The following TMEM63C variants were observed in gnomAD, a reference collection of about 807,000 sequenced individuals.
The protein encoded by TMEM63C is osmosensitive cation channel TMEM63C.
A neutral mutation model predicts 99.2 loss-of-function variants in TMEM63C; 32 were observed. The observed-to-expected ratio is 0.32, with a 90% confidence interval of 0.24 to 0.43. The LOEUF (loss-of-function observed/expected upper bound fraction) is 0.43, where lower values mean the gene tolerates loss of function less well. Among genes scored for constraint, TMEM63C ranks in the 20% least tolerant of loss-of-function variants. The pLI, the probability that TMEM63C is intolerant of heterozygous loss-of-function variation, is 1.00. For synonymous variants in TMEM63C, 376 were observed against 397.9 expected (o/e 0.94, Z 0.66); for missense variants, 826 against 1,053.0 (o/e 0.78, Z 2.98).
intron 6 of TMEM63C, among the ~76,000 whole-genome samples, chr14:77,229,702 T>TCC (rs1888900543): frequency 6.6e-6 from 1 of 150,404 alleles, no homozygotes; most frequent in Non-Finnish European, 1.5e-5. Flanking sequence ...TCCACCTGTC[T>TCC]CTGCCTCCCA....
At chr14:77,243,791 AAC>A (rs546880781) in intron 15 of TMEM63C, among the ~76,000 whole-genome samples, 12 of 152,104 alleles carry the variant, frequency 7.9e-5, no homozygotes, top group Admixed American at 2.0e-4. Context: ...ACACAAAGTC[AAC>A]ACACACGCAT....
intron 2 of TMEM63C, among the ~76,000 whole-genome samples, chr14:77,217,713 A>G (rs1189913710): frequency 1.3e-5 from 2 of 152,334 alleles, no homozygotes; most frequent in South Asian, 4.1e-4. Flanking sequence ...CAGGGACGGC[A>G]GGCTCTGCAT....
Position 77,204,652 on chromosome 14 carries a change from AC to A in TMEM63C, c.-76-8793del. 2.0e-5 allele frequency among the ~76,000 whole-genome samples: 3 copies of A among 152,370 alleles called. No individual in the cohort carries two copies. The South Asian group carries it at 6.2e-4, about 32-fold the overall frequency. The stretch of plus-strand genomic sequence containing the variant: ...AGGTGTGGGGAGTCAGCCGTCTGCT[AC>A]GTCATCCCGTAAACAACATCGAATG... On this transcript the variant is annotated intron_variant, in intron 1 of 23. Coordinates refer to ENST00000298351, the MANE Select transcript of TMEM63C (RefSeq NM_020431.4).
intron 17 of TMEM63C, 125 bp downstream of exon 17, chr14:77,246,151 C>A: frequency 1.3e-6 from 1 of 784,592 alleles, no homozygotes; most frequent in Non-Finnish European, 2.3e-6. Flanking sequence ...CAGCCCCATG[C>A]CTGTCATGGG....
chr14:77,232,440 T>C (rs382033), intron 7 of TMEM63C, among the ~76,000 whole-genome samples: 9,790 of 152,036 alleles, frequency 0.064, 407 homozygotes, highest in Admixed American at 0.1. Flanking sequence ...GGCACCCGCC[T>C]CCACACCCGG....
At chr14:77,202,694 C>T (rs1888318131) in intron 1 of TMEM63C, among the ~76,000 whole-genome samples, 2 of 152,192 alleles carry the variant, frequency 1.3e-5, no homozygotes, top group South Asian at 4.1e-4. Flanking sequence ...CAAATTACAT[C>T]TGCAAAGACT....
intron 2 of TMEM63C, among the ~76,000 whole-genome samples, chr14:77,216,695 A>G (rs1425767677): frequency 2.6e-5 from 4 of 152,092 alleles, no homozygotes; most frequent in African/African-American, 7.2e-5. Context: ...TCCCCTATCT[A>G]ATCTGCCGGC....
At chr14:77,253,836 A>G (rs1889416155) in intron 23 of TMEM63C, among the ~76,000 whole-genome samples, 1 of 152,238 alleles carries the variant, frequency 6.6e-6, no homozygotes, top group Admixed American at 6.5e-5. Flanking sequence ...GTCTGCGTGC[A>G]GAGAGGCTGG....
rs1376163491 is a variant in TMEM63C, at chr14:77,231,674, T to C, written c.437T>C (p.Ile146Thr). The change falls in exon 7 of 24, where the codon ATC becomes ACC. Residue 146 changes from isoleucine to threonine, a missense_variant. Transcript: ENST00000298351. The part of the protein sequence containing the change: ...QYHLIIFVLI[I>T]CIPSLGIILP... The stretch of plus-strand genomic sequence containing the variant: ...CACCTCATCATCTTTGTGCTCATCA[T>C]CTGTATCCCCTCCCTGGGCATCATT... 6.4e-7 allele frequency: 1 copy of C among 1,551,734 alleles called. No homozygotes were observed. The highest frequency in any genetic ancestry group is 1.2e-5 in the South Asian group (1 of 84,058).
At chr14:77,224,054 C>A (rs1888773304) in intron 5 of TMEM63C, among the ~76,000 whole-genome samples, 1 of 152,074 alleles carries the variant, frequency 6.6e-6, no homozygotes, top group Non-Finnish European at 1.5e-5. Flanking sequence ...CTCTGACTCA[C>A]ACCTGAACAT....
At chr14:77,216,056 GAT>G (rs1888579419) in intron 2 of TMEM63C, among the ~76,000 whole-genome samples, 1 of 152,098 alleles carries the variant, frequency 6.6e-6, no homozygotes, top group South Asian at 2.1e-4. Flanking sequence ...GTGAAAGAGA[GAT>G]AGAGAGGGAG....
At chr14:77,220,454 T>C (rs1888670521) in intron 5 of TMEM63C, among the ~76,000 whole-genome samples, 1 of 152,018 alleles carries the variant, frequency 6.6e-6, no homozygotes, top group Admixed American at 6.5e-5. Flanking sequence ...CCATTTCACA[T>C]AGAAGATTCT....
intron 1 of TMEM63C, among the ~76,000 whole-genome samples, chr14:77,185,190 CT>C (rs998321864): frequency 8.5e-5 from 13 of 152,326 alleles, no homozygotes; most frequent in African/African-American, 2.9e-4. Context: ...GCCTTTCACT[CT>C]GCCATTTGAC....
intron 15 of TMEM63C, among the ~76,000 whole-genome samples, chr14:77,244,092 C>T (rs1256131614): frequency 1.3e-5 from 2 of 152,046 alleles, no homozygotes; most frequent in Non-Finnish European, 2.9e-5. Context: ...TAGCTCTGGC[C>T]TTAGGAGGAA....
At position 77,251,595 on chromosome 14, in the gene TMEM63C, C is replaced by T. The variant is rs1025382170; in HGVS notation, c.2039-194C>T. Reference sequence around the variant, plus strand: ...AATTAAAACATTTTTTCATGGACTCCACAGATGCCAAATTCTAACAGAGCA... The same window carrying T: ...AATTAAAACATTTTTTCATGGACTCTACAGATGCCAAATTCTAACAGAGCA... On this transcript the variant is annotated intron_variant, in intron 21 of 23. Transcript: ENST00000298351. The T allele has an allele frequency of 8.4e-6, 5 of 593,416 alleles. No individual in the cohort carries two copies. The African/African-American group carries it at 9.3e-5, about 11-fold the overall frequency. The allele number at this position is 593,416 out of a possible 1,614,324, so 36.8% of individuals were successfully genotyped here.
intron 1 of TMEM63C, among the ~76,000 whole-genome samples, chr14:77,208,071 A>C (rs746698166): frequency 6.6e-6 from 1 of 152,188 alleles, no homozygotes; most frequent in African/African-American, 2.4e-5. Flanking sequence ...TTCCTCATTC[A>C]TAAGATGGGA....
chr14:77,242,555 A>T, intron 14 of TMEM63C, 86 bp downstream of exon 14: 2 of 1,529,924 alleles, frequency 1.3e-6, no homozygotes, highest in Non-Finnish European at 1.8e-6. Context: ...TCCCCATGTC[A>T]TTGCCCAACA....
At chr14:77,185,779 C>A (rs1012456077) in intron 1 of TMEM63C, among the ~76,000 whole-genome samples, 1 of 152,148 alleles carries the variant, frequency 6.6e-6, no homozygotes, top group African/African-American at 2.4e-5. Context: ...TTGGGAGCTG[C>A]GTTCCCACCT....
intron 1 of TMEM63C, among the ~76,000 whole-genome samples, chr14:77,202,867 GCA>G (rs1433796252): frequency 2.3e-4 from 13 of 56,410 alleles, no homozygotes; most frequent in African/African-American, 4.6e-4. Context: ...ACACACACAC[GCA>G]CACACACCCC....
Sources: gnomAD v4.1 joint callset for allele counts (sites outside exome capture counted in the v4.1 genomes callset) on GRCh38, gnomAD v4.1.1 for gene constraint, MANE v1.5 for transcripts, NCBI Gene and HGNC (gene_info 2026-07-23, HGNC 2026-07-21) for gene names.